Variants in HSD17B12 observed in about 807,000 individuals in gnomAD.
HSD17B12 encodes very-long-chain 3-oxoacyl-CoA reductase.
In HSD17B12, 32 loss-of-function variants were observed where a neutral mutation model predicts 39.3. The observed-to-expected ratio is 0.81, with a 90% CI of 0.61 to 1.09. The LOEUF is 1.09. Ranked by LOEUF, HSD17B12 falls within the 50% of genes least tolerant of loss-of-function variation. The pLI is 0.00. For missense variants in HSD17B12, 342 were observed against 382.9 expected (o/e 0.89, Z 0.89); for synonymous variants, 150 against 146.7 (o/e 1.02, Z -0.16).
At position 43,809,037 on chromosome 11, in the gene HSD17B12, G is replaced by A. The variant is rs770939712; in HGVS notation, c.392-6400G>A. On this transcript the variant is annotated intron_variant, in intron 4 of 10. Coordinates refer to ENST00000278353, the MANE Select transcript of HSD17B12 (RefSeq NM_016142.3). ...AGAAATTTAATCAGTATAAATAGCA[G>A]CAGCTCTGGTTAATGGATGTCCAGA... 1.2e-3 allele frequency among the ~76,000 whole-genome samples: 184 copies of A among 152,158 alleles called. 2 individuals are homozygous for A. The highest frequency in any genetic ancestry group is 6.5e-4 in the Non-Finnish European group (44 of 68,036).
intron 3 of HSD17B12, among the ~76,000 whole-genome samples, chr11:43,788,685 C>CAA (rs57970272): frequency 1.0e-3 from 101 of 100,792 alleles, no homozygotes; most frequent in African/African-American, 1.4e-3. Flanking sequence ...TTTCCTTCCT[C>CAA]AAAAAAAAAA....
At chr11:43,714,121 G>A (rs1264693403) in intron 1 of HSD17B12, among the ~76,000 whole-genome samples, 7 of 152,028 alleles carry the variant, frequency 4.6e-5, no homozygotes, top group African/African-American at 4.8e-5. Context: ...GAAGCTCTTT[G>A]GTTTAATTAG....
chr11:43,709,879 A>G (rs1950049189), intron 1 of HSD17B12, among the ~76,000 whole-genome samples: 1 of 152,052 alleles, frequency 6.6e-6, no homozygotes, highest in African/African-American at 2.4e-5. Context: ...AATGGTGACT[A>G]TGTGTGACTG....
Position 43,733,957 on chromosome 11 carries a change from T to G in HSD17B12, c.161-16954T>G. The G allele has an allele frequency of 5.7e-6, 4 of 704,200 alleles. No homozygotes were observed. In the Admixed American group the frequency reaches 7.8e-5, roughly 14 times the overall value. 43.6% of individuals were successfully genotyped at this position (704,200 alleles called of 1,614,324 possible). On this transcript the variant is annotated intron_variant, in intron 1 of 10. Coordinates refer to ENST00000278353, the MANE Select transcript of HSD17B12 (RefSeq NM_016142.3). ...CCCATGGGTACAGAAACCAATTATCTTTGCTGTTCTCGACCACGTAATGCT... is the reference window on the plus strand; with the variant it reads ...CCCATGGGTACAGAAACCAATTATCGTTGCTGTTCTCGACCACGTAATGCT...
chr11:43,757,883 C>T (rs1054895105), intron 3 of HSD17B12, among the ~76,000 whole-genome samples: 1 of 152,026 alleles, frequency 6.6e-6, no homozygotes, highest in Non-Finnish European at 1.5e-5. Context: ...GCCCATATAA[C>T]AGCACTCCAG....
the HSD17B12 span, among the ~76,000 whole-genome samples, chr11:43,639,253 T>C: frequency 6.6e-6 from 1 of 152,260 alleles, no homozygotes; most frequent in Admixed American, 6.5e-5. Context: ...GCTCTCCATA[T>C]TGGACGCTTC....
At chr11:43,855,070 C>A in intron 10 of HSD17B12, 74 bp from the exon 11 acceptor site, 1 of 1,178,130 alleles carries the variant, frequency 8.5e-7, no homozygotes. Context: ...TATAATAAAA[C>A]ATTAAATCAT....
the HSD17B12 span, among the ~76,000 whole-genome samples, chr11:43,647,669 T>C: frequency 6.6e-6 from 1 of 152,100 alleles, no homozygotes; most frequent in Non-Finnish European, 1.5e-5. Flanking sequence ...AATTTGATCT[T>C]TATTTTTCAT....
the HSD17B12 span, among the ~76,000 whole-genome samples, chr11:43,607,268 G>A: frequency 2.4e-4 from 33 of 138,424 alleles, no homozygotes; most frequent in East Asian, 4.6e-3. Flanking sequence ...GTGCTGGCAC[G>A]TGTGCTCCTG....
intron 1 of HSD17B12, among the ~76,000 whole-genome samples, chr11:43,705,288 A>G (rs1314178752): frequency 6.6e-6 from 1 of 152,246 alleles, no homozygotes; most frequent in Non-Finnish European, 1.5e-5. Context: ...TTATAAAACC[A>G]AAGAGTAGAG....
rs149345347 is a variant in HSD17B12, at chr11:43,705,006, G to A, written c.160+24019G>A. 1.8e-3 allele frequency among the ~76,000 whole-genome samples: 276 copies of A among 152,296 alleles called. 1 individual carries two copies. The highest frequency in any genetic ancestry group is 3.2e-3 in the Non-Finnish European group (220 of 68,020). On this transcript the variant is annotated intron_variant, in intron 1 of 10. Coordinates refer to ENST00000278353, the MANE Select transcript of HSD17B12 (RefSeq NM_016142.3). ...ATTTCTGTCAGTTTCAGCTGAAAGCGTCCTAAGCTACAGATTCAGTAGAAA... is the reference window on the plus strand; with the variant it reads ...ATTTCTGTCAGTTTCAGCTGAAAGCATCCTAAGCTACAGATTCAGTAGAAA...
intron 3 of HSD17B12, among the ~76,000 whole-genome samples, chr11:43,770,681 G>A (rs1950640777): frequency 6.6e-6 from 1 of 152,232 alleles, no homozygotes; most frequent in South Asian, 2.1e-4. Flanking sequence ...GCTGCAATGA[G>A]CCACTGTCTC....
At chr11:43,813,731 G>T (rs1047032811) in intron 4 of HSD17B12, among the ~76,000 whole-genome samples, 1 of 152,266 alleles carries the variant, frequency 6.6e-6, no homozygotes, top group African/African-American at 2.4e-5. Context: ...GATGCCTGGT[G>T]GGTGGAGAAC....
the HSD17B12 span, among the ~76,000 whole-genome samples, chr11:43,660,317 A>G: frequency 3.3e-5 from 5 of 152,114 alleles, no homozygotes; most frequent in Non-Finnish European, 7.4e-5. Flanking sequence ...TTTTTCTTTG[A>G]TCAGCCCCCA....
rs374839061 is a variant in HSD17B12, at chr11:43,688,328, A to G, written c.160+7341A>G. ...CTCAGAGACCATTTCTGTCTGGGGGAAAAGTCTGATCACTGTGGTATGGGA... is the reference window on the plus strand; with the variant it reads ...CTCAGAGACCATTTCTGTCTGGGGGGAAAGTCTGATCACTGTGGTATGGGA... On this transcript the variant is annotated intron_variant, in intron 1 of 10. Coordinates refer to ENST00000278353, the MANE Select transcript of HSD17B12 (RefSeq NM_016142.3). Among the ~76,000 whole-genome samples, 10 of 152,220 alleles carry G rather than the reference A, an allele frequency of 6.6e-5. No individual in the cohort carries two copies. In the East Asian group the frequency reaches 1.7e-3, roughly 26 times the overall value.
At chr11:43,827,728 C>T (rs971685315) in intron 6 of HSD17B12, among the ~76,000 whole-genome samples, 2 of 152,170 alleles carry the variant, frequency 1.3e-5, no homozygotes, top group Non-Finnish European at 2.9e-5. Flanking sequence ...TCTAAATAAT[C>T]TTAATCTAAT....
intron 1 of HSD17B12, among the ~76,000 whole-genome samples, chr11:43,686,753 C>T (rs1454030391): frequency 1.3e-5 from 2 of 152,132 alleles, no homozygotes; most frequent in African/African-American, 4.8e-5. Context: ...AATACTTATT[C>T]TCTGTAAAAC....
At chr11:43,765,975 G>GC (rs1290672873) in intron 3 of HSD17B12, among the ~76,000 whole-genome samples, 1 of 151,918 alleles carries the variant, frequency 6.6e-6, no homozygotes, top group Non-Finnish European at 1.5e-5. Flanking sequence ...ACAGGCGCCC[G>GC]CCACTGCGCC....
chr11:43,692,701 G>C (rs1323841587), intron 1 of HSD17B12, among the ~76,000 whole-genome samples: 1 of 152,142 alleles, frequency 6.6e-6, no homozygotes, highest in African/African-American at 2.4e-5. Flanking sequence ...TTAAATTCTA[G>C]AGTGTGTTGA....
Sources: allele counts gnomAD v4.1 joint callset (sites outside exome capture counted in the v4.1 genomes callset), GRCh38; gene constraint gnomAD v4.1.1; transcripts MANE v1.5; gene names NCBI Gene and HGNC (gene_info 2026-07-23, HGNC 2026-07-21).